The following CAPN11 variants were observed in gnomAD, a reference collection of about 807,000 sequenced individuals.
CAPN11 encodes the protein calpain 11, also known as calpain-11.
CAPN11 carries 108 observed loss-of-function variants against 105.3 expected under a neutral mutation model. That is an observed-to-expected ratio of 1.03 (90% CI 0.88 to 1.20). CAPN11 has a LOEUF of 1.20. Ranked by LOEUF, CAPN11 falls within the 50% of genes most tolerant of loss-of-function variation. CAPN11 has a pLI of 0.00. For missense variants in CAPN11, 883 were observed against 924.8 expected, an observed-to-expected ratio of 0.95 and a Z score of 0.59; for synonymous variants, 329 against 344.5, an observed-to-expected ratio of 0.96 and a Z score of 0.50.
At chr6:44,162,844 T>C (rs971984064) in intron 1 of CAPN11, among the ~76,000 whole-genome samples, 2 of 151,910 alleles carry the variant, frequency 1.3e-5, no homozygotes, top group Non-Finnish European at 2.9e-5. Context: ...CAGAATAAAT[T>C]CTCCATAAAA....
chr6:44,180,090 C>G lies in CAPN11; in HGVS notation c.1567C>G (p.Pro523Ala). Residue 523 changes from proline to alanine, a missense_variant, in exon 14 of 23, where the codon CCC becomes GCC. Coordinates refer to ENST00000398776, the MANE Select transcript of CAPN11 (RefSeq NM_007058.4). ...GCCTCCGGGGGAATATATCATTATTCCCTCCACCTTTGAGCCACACAGAGA... is the reference window on the plus strand; with the variant it reads ...GCCTCCGGGGGAATATATCATTATTGCCTCCACCTTTGAGCCACACAGAGA... The part of the protein sequence containing the change: ...RLPPGEYIII[P>A]STFEPHRDAD... The G allele has an allele frequency of 6.2e-7, 1 of 1,613,504 alleles. No homozygotes were observed. Among genetic ancestry groups the G allele is most frequent in the South Asian group, 1.1e-5 (1 of 91,040 alleles).
Position 44,179,621 on chromosome 6 carries a change from C to A in CAPN11, c.1419C>A (p.Val473=). 6.2e-7 allele frequency: 1 copy of A among 1,613,282 alleles called. No homozygotes were observed. Among genetic ancestry groups the A allele is most frequent in the Non-Finnish European group, 8.5e-7 (1 of 1,179,280 alleles). Residue 473 remains valine, a splice_region_variant and synonymous_variant, in exon 13 of 23, where the codon GTC becomes GTA. Coordinates refer to ENST00000398776, the MANE Select transcript of CAPN11 (RefSeq NM_007058.4). ...TCTCCTCTTTCTTCCCTTCCCAGGT[C>A]CCAAAAGAGGTACAGAAGATAAAGA... ...LQTIGFVLYA[V]PKEFQNIQDV... is the part of the protein sequence containing the mutation.
chr6:44,182,856 G>A, intron 19 of CAPN11, 85 bp from the exon 20 acceptor site: 1 of 986,178 alleles, frequency 1.0e-6, no homozygotes. Flanking sequence ...TTACAGGCAT[G>A]AGCCACCGCG....
intron 4 of CAPN11, 111 bp from the exon 5 acceptor site, chr6:44,172,191 G>C (rs746367377): frequency 2.4e-5 from 15 of 616,702 alleles, no homozygotes; most frequent in Non-Finnish European, 1.1e-5. Context: ...CGCCGGGGGG[G>C]TGAGAATGGG....
intron 1 of CAPN11, chr6:44,161,931 C>T: frequency 2.2e-6 from 1 of 455,602 alleles, no homozygotes; most frequent in South Asian, 1.5e-5. Flanking sequence ...CCAGGTTTGT[C>T]AACCCCAGCT....
chr6:44,170,004 A>T (rs763122090), intron 4 of CAPN11, 29 bp downstream of exon 4: 2 of 1,575,964 alleles, frequency 1.3e-6, no homozygotes, highest in Admixed American at 3.5e-5. Context: ...GCTGGTCTCC[A>T]CCTGGGCAAG....
chr6:44,166,373 A>C (rs1769851660), intron 1 of CAPN11, among the ~76,000 whole-genome samples: 1 of 152,154 alleles, frequency 6.6e-6, no homozygotes, highest in South Asian at 2.1e-4. Flanking sequence ...ACCTCGGGCA[A>C]GCTGCTTAGC....
chr6:44,179,562 G>A (rs372512010), intron 12 of CAPN11, 57 bp from the exon 13 acceptor site: 1 of 1,538,216 alleles, frequency 6.5e-7, no homozygotes, highest in Admixed American at 1.7e-5. Flanking sequence ...GGCTTCTGAA[G>A]GCCTGAGGCC....
At chr6:44,178,661 C>T (rs1341282425) in intron 12 of CAPN11, among the ~76,000 whole-genome samples, 3 of 147,848 alleles carry the variant, frequency 2.0e-5, no homozygotes. Flanking sequence ...TATCCCAGCA[C>T]TTTGAGAGGC....
rs1371109139 is a variant in CAPN11, at chr6:44,176,280, C to T, written c.943C>T (p.Leu315=). 1 of 1,613,952 alleles carries T rather than the reference C, an allele frequency of 6.2e-7. No individual in the cohort carries two copies. Among genetic ancestry groups the T allele is most frequent in the Non-Finnish European group, 8.5e-7 (1 of 1,179,856 alleles). Residue 315 remains leucine, a synonymous_variant, in exon 9 of 23, where the codon CTG becomes TTG. Transcript: ENST00000398776. ...CCACTACAGAGGCAAAATGGAAACA[C>T]TGATTCGGGTCCGGAATCCCTGGGG... The part of the protein sequence containing the change: ...DVHYRGKMET[L]IRVRNPWGRI...
Position 44,177,342 on chromosome 6 carries a change from G to T in CAPN11, c.1338G>T (p.Val446=). The change falls in exon 12 of 23, where the codon GTG becomes GTT. Residue 446 remains valine (V), a synonymous_variant. Transcript: ENST00000398776. The part of the protein sequence containing the change: ...EGNVVVCTCL[V]ALMQKNWRHA... ...ATGTTGTGGTCTGCACCTGCCTGGT[G>T]GCCCTAATGCAGAAGAACTGGCGGC... The T allele has an allele frequency of 6.2e-7, 1 of 1,613,960 alleles. No individual in the cohort carries two copies. Among genetic ancestry groups the T allele is most frequent in the Non-Finnish European group, 8.5e-7 (1 of 1,179,874 alleles).
Position 44,158,876 on chromosome 6 carries a change from T to C in CAPN11, c.16+12T>C. The C allele has an allele frequency of 6.4e-7, 1 of 1,551,060 alleles. No individual in the cohort carries two copies. The highest frequency in any genetic ancestry group is 8.7e-7 in the Non-Finnish European group (1 of 1,146,496). On this transcript the variant is annotated intron_variant, in intron 1 of 22. Transcript: ENST00000398776. ...GCTGTACTCCCCAGGTAGGCACTCA[T>C]GGGGCCTTGCCCCACTCCTGTACCT...
intron 18 of CAPN11, 103 bp from the exon 19 acceptor site, chr6:44,181,149 C>G (rs541828807): frequency 2.4e-6 from 3 of 1,235,216 alleles, no homozygotes. Context: ...GCTACAGTAC[C>G]GGAACCCCAG....
Position 44,169,441 on chromosome 6 carries a change from C to T in CAPN11, c.249C>T (p.Pro83=). The T allele has an allele frequency of 6.2e-7, 1 of 1,612,834 alleles. No individual in the cohort carries two copies. Among genetic ancestry groups the T allele is most frequent in the Non-Finnish European group, 8.5e-7 (1 of 1,179,508 alleles). The change falls in exon 3 of 23, where the codon CCC becomes CCT. Residue 83 remains proline (P), a synonymous_variant. Coordinates refer to ENST00000398776, the MANE Select transcript of CAPN11 (RefSeq NM_007058.4). The stretch of plus-strand genomic sequence containing the variant: ...GAAAGGGGGAGCTCTTCGAGGACCC[C>T]TTATTCCCTGCTGAACCCAGCTCAC... ...CLRKGELFED[P]LFPAEPSSLG...
Position 44,184,081 on chromosome 6 carries a change from G to A in CAPN11, c.*149G>A, listed in dbSNP as rs368768616. 223 of 796,550 alleles carry A rather than the reference G, an allele frequency of 2.8e-4. No individual in the cohort carries two copies. The highest frequency in any genetic ancestry group is 4.3e-4 in the African/African-American group (25 of 58,292). 49.3% of individuals were successfully genotyped at this position (796,550 alleles called of 1,614,324 possible). On this transcript the variant is annotated 3_prime_UTR_variant, in exon 23 of 23. Transcript: ENST00000398776. Reference sequence around the variant, plus strand: ...TGGCAGTGCCCGGGTCCCAGGTGCCGTGTTTACTGCAGCAGTGGGACCTCC... The same window carrying A: ...TGGCAGTGCCCGGGTCCCAGGTGCCATGTTTACTGCAGCAGTGGGACCTCC...
Position 44,176,089 on chromosome 6 carries a change from G to T in CAPN11, c.853G>T (p.Glu285Ter). The T allele has an allele frequency of 6.2e-7, 1 of 1,612,216 alleles. No homozygotes were observed. The change falls in exon 8 of 23, where the codon GAA (glutamate) becomes TAA (stop). Residue 285 changes from glutamate (E) to a stop codon, truncating the protein, a stop_gained. Coordinates refer to ENST00000398776, the MANE Select transcript of CAPN11 (RefSeq NM_007058.4). LOFTEE classifies it high-confidence loss of function. The stretch of plus-strand genomic sequence containing the variant: ...GTAGGTCACCAGTGATAGTGAACTG[G>T]AATCCATGACTGACAAGATGCTGGT... ...SIEVTSDSEL[E>*]SMTDKMLVRG...
At chr6:44,177,147 C>G in intron 11 of CAPN11, 95 bp from the exon 12 acceptor site, 1 of 1,474,192 alleles carries the variant, frequency 6.8e-7, no homozygotes, top group Non-Finnish European at 9.2e-7. Context: ...GTGGAGGAGA[C>G]AGCTCCAGTG....
intron 7 of CAPN11, among the ~76,000 whole-genome samples, chr6:44,175,804 T>A (rs1408660149): frequency 5.9e-5 from 9 of 152,122 alleles, no homozygotes; most frequent in Admixed American, 5.9e-4. Context: ...TAATAATTTT[T>A]AAAACGTTCT....
At chr6:44,177,932 A>G (rs959974079) in intron 12 of CAPN11, among the ~76,000 whole-genome samples, 1 of 152,048 alleles carries the variant, frequency 6.6e-6, no homozygotes, top group Non-Finnish European at 1.5e-5. Flanking sequence ...ATTACGGCTC[A>G]CAGCGGCCCT....
Sources: gnomAD v4.1 joint callset for allele counts (sites outside exome capture counted in the v4.1 genomes callset) on GRCh38, gnomAD v4.1.1 for gene constraint, MANE v1.5 for transcripts, NCBI Gene and HGNC (gene_info 2026-07-23, HGNC 2026-07-21) for gene names.